The following CBFB variants were observed in gnomAD, a reference collection of about 807,000 sequenced individuals.
CBFB encodes the protein CBF-beta.
In CBFB, 9 loss-of-function variants were observed where a neutral mutation model predicts 30.4. That is an observed-to-expected ratio of 0.30 (90% CI 0.18 to 0.52). The LOEUF is 0.52. CBFB is among the 20% of genes least tolerant of loss of function. The pLI is 0.97. For missense variants in CBFB, 170 were observed against 244.0 expected (o/e 0.70, Z 2.02); for synonymous variants, 94 against 84.0 (o/e 1.12, Z -0.65).
intron 4 of CBFB, 56 bp from the exon 5 acceptor site, chr16:67,082,157 T>C: frequency 8.2e-7 from 1 of 1,224,596 alleles, no homozygotes; most frequent in Non-Finnish European, 1.1e-6. Flanking sequence ...AAAACCCAAA[T>C]ATTGTATTTT....
intron 2 of CBFB, among the ~76,000 whole-genome samples, chr16:67,030,676 T>C (rs550340962): frequency 7.9e-5 from 12 of 152,262 alleles, no homozygotes; most frequent in African/African-American, 1.9e-4. Context: ...CTCGGGTCAC[T>C]GCAACCTTCG....
At chr16:67,070,362 G>C (rs1597147355) in intron 4 of CBFB, among the ~76,000 whole-genome samples, 2 of 152,112 alleles carry the variant, frequency 1.3e-5, no homozygotes, top group South Asian at 4.1e-4. Flanking sequence ...AACATAATGA[G>C]ACCTTCATCT....
chr16:67,035,479 T>A lies in CBFB; in HGVS notation c.166-1160T>A, dbSNP rs1330458829. ...ACATGAAAATGGTACCCCAGTTGAT[T>A]AGGGAAATGCCATCAGAGAGGTTTA... On this transcript the variant is annotated intron_variant, in intron 2 of 5. Coordinates refer to ENST00000412916, the MANE Select transcript of CBFB (RefSeq NM_022845.3). Among the ~76,000 whole-genome samples the A allele has an allele frequency of 2.0e-5, 3 of 152,192 alleles. No individual in the cohort carries two copies. The East Asian group carries it at 5.8e-4, about 29-fold the overall frequency.
chr16:67,029,499 G>C lies in CBFB; in HGVS notation c.78+14G>C, dbSNP rs1394612012. The C allele has an allele frequency of 6.3e-7, 1 of 1,581,884 alleles. No individual in the cohort carries two copies. Among genetic ancestry groups the C allele is most frequent in the South Asian group, 1.1e-5 (1 of 87,042 alleles). On this transcript the variant is annotated intron_variant, in intron 1 of 5. Coordinates refer to ENST00000412916, the MANE Select transcript of CBFB (RefSeq NM_022845.3). The stretch of plus-strand genomic sequence containing the variant: ...CGCGAGTGTGAGGTGAGGCAGGCGG[G>C]CGGGCGGCTAGGAGGCCGCAGCGCG...
intron 4 of CBFB, among the ~76,000 whole-genome samples, chr16:67,080,921 C>T (rs978199945): frequency 6.6e-5 from 10 of 152,120 alleles, no homozygotes; most frequent in Admixed American, 3.9e-4. Context: ...ACTTATGTTT[C>T]CAAGGTGTGG....
At chr16:67,042,157 C>A (rs1296793391) in intron 3 of CBFB, among the ~76,000 whole-genome samples, 2 of 152,280 alleles carry the variant, frequency 1.3e-5, no homozygotes, top group East Asian at 3.9e-4. Flanking sequence ...CTCCTGACCT[C>A]AAGTGATCCT....
At position 67,098,670 on chromosome 16, in the gene CBFB, A is replaced by G. The variant is rs773388243; in HGVS notation, c.496-40A>G. 21 of 1,265,420 alleles carry G rather than the reference A, an allele frequency of 1.7e-5. No individual in the cohort carries two copies. In the Middle Eastern group the frequency reaches 1.1e-3, roughly 67 times the overall value. The allele number at this position is 1,265,420 out of a possible 1,614,324, so 78.4% of individuals were successfully genotyped here. A position where few individuals can be genotyped will look rare whatever the true frequency, so the allele number is the denominator to read the frequency against. On this transcript the variant is annotated intron_variant, in intron 5 of 5. Coordinates refer to ENST00000412916, the MANE Select transcript of CBFB (RefSeq NM_022845.3). ...TGTATATCTAGTATTTTGATTGTCA[A>G]AACACTTTTTGACCCCAAATTATGA...
chr16:67,039,167 A>C (rs1365721923), intron 3 of CBFB, among the ~76,000 whole-genome samples: 1 of 152,176 alleles, frequency 6.6e-6, no homozygotes, highest in African/African-American at 2.4e-5. Context: ...CTACACACTT[A>C]GGCTATCTGG....
At chr16:67,096,873 C>G (rs555920777) in intron 5 of CBFB, among the ~76,000 whole-genome samples, 1 of 145,722 alleles carries the variant, frequency 6.9e-6, no homozygotes, top group Admixed American at 7.2e-5. Flanking sequence ...ACTCGGGAGG[C>G]GGAGCTTGCG....
chr16:67,041,461 G>A (rs1040809138), intron 3 of CBFB, among the ~76,000 whole-genome samples: 24 of 152,234 alleles, frequency 1.6e-4, no homozygotes, highest in Admixed American at 1.5e-3. Flanking sequence ...TAGATATGGC[G>A]TGTGAGAAAG....
chr16:67,062,431 A>G (rs892876236), intron 3 of CBFB, among the ~76,000 whole-genome samples: 4 of 150,396 alleles, frequency 2.7e-5, no homozygotes, highest in Non-Finnish European at 5.9e-5. Flanking sequence ...TGGCCTCCCA[A>G]AGTGCTGGGA....
chr16:67,052,329 G>T (rs1431535238), intron 3 of CBFB, among the ~76,000 whole-genome samples: 1 of 152,106 alleles, frequency 6.6e-6, no homozygotes, highest in Non-Finnish European at 1.5e-5. Context: ...TAGCACTTTG[G>T]GAGGCCAAGG....
At chr16:67,075,046 C>T (rs1961347808) in intron 4 of CBFB, among the ~76,000 whole-genome samples, 1 of 151,920 alleles carries the variant, frequency 6.6e-6, no homozygotes, top group Non-Finnish European at 1.5e-5. Context: ...AAAAATTAGC[C>T]AGGTATGGTG....
At chr16:67,073,691 G>A (rs1302672087) in intron 4 of CBFB, among the ~76,000 whole-genome samples, 9 of 151,966 alleles carry the variant, frequency 5.9e-5, no homozygotes, top group African/African-American at 1.9e-4. Context: ...GCGGTGAGCC[G>A]AGATCGTGCC....
At chr16:67,046,496 A>T (rs1034807926) in intron 3 of CBFB, among the ~76,000 whole-genome samples, 4 of 152,070 alleles carry the variant, frequency 2.6e-5, no homozygotes, top group Non-Finnish European at 5.9e-5. Flanking sequence ...CCCTAGTTTT[A>T]CTATTTCCCA....
At chr16:67,049,083 A>T (rs1474919352) in intron 3 of CBFB, among the ~76,000 whole-genome samples, 1 of 151,626 alleles carries the variant, frequency 6.6e-6, no homozygotes. Context: ...GGCCTCATAA[A>T]GTGCTGGGAT....
At position 67,070,857 on chromosome 16, in the gene CBFB, AAAAC is replaced by A. The variant is rs1309109535; in HGVS notation, c.399+4066_399+4069del. Among the ~76,000 whole-genome samples the A allele has an allele frequency of 3.9e-5, 6 of 152,316 alleles. No homozygotes were observed. In the East Asian group the frequency reaches 7.7e-4, roughly 20 times the overall value. On this transcript the variant is annotated intron_variant, in intron 4 of 5. Transcript: ENST00000412916. ...CAGAGCAAGACAAGACCCTGTCTCA[AAAAC>A]AAACAACAAAAACTAAAGTATTTTA...
intron 4 of CBFB, among the ~76,000 whole-genome samples, chr16:67,074,583 A>G (rs1363231309): frequency 1.3e-5 from 2 of 151,968 alleles, no homozygotes; most frequent in Admixed American, 1.3e-4. Context: ...AGGTTTCACC[A>G]TGTTGGCCAC....
chr16:67,089,737 G>A (rs1305742274), intron 5 of CBFB, among the ~76,000 whole-genome samples: 2 of 152,186 alleles, frequency 1.3e-5, no homozygotes, highest in Non-Finnish European at 2.9e-5. Flanking sequence ...GACTCTGGAT[G>A]TAGTGGAATG....
Sources: allele counts gnomAD v4.1 joint callset (sites outside exome capture counted in the v4.1 genomes callset), GRCh38; gene constraint gnomAD v4.1.1; transcripts MANE v1.5; gene names NCBI Gene and HGNC (gene_info 2026-07-23, HGNC 2026-07-21).